CTTN: variants seen among roughly 807,000 people sequenced by gnomAD.
CTTN encodes src substrate cortactin.
Under a neutral mutation model 84.0 loss-of-function variants are expected in CTTN, and 28 were observed. The ratio of observed to expected loss-of-function variants is 0.33; its 90% CI spans 0.25 to 0.46. The LOEUF (loss-of-function observed/expected upper bound fraction) is 0.46, where lower values mean the gene tolerates loss of function less well. CTTN is among the 20% of genes least tolerant of loss of function. CTTN has a pLI of 1.00. For synonymous variants in CTTN, 301 were observed against 288.8 expected (o/e 1.04, Z -0.43); for missense variants, 641 against 723.8 (o/e 0.89, Z 1.31).
chr11:70,421,498 C>T lies in CTTN; in HGVS notation c.819C>T (p.Phe273=), dbSNP rs561015224. The T allele has an allele frequency of 2.6e-5, 42 of 1,613,886 alleles. No homozygotes were observed. The highest frequency in any genetic ancestry group is 1.2e-4 in the African/African-American group (9 of 75,000). Residue 273 remains phenylalanine, a synonymous_variant, in exon 11 of 18, where the codon TTC becomes TTT. Coordinates refer to ENST00000301843, the MANE Select transcript of CTTN (RefSeq NM_005231.4). ...ATAAGACTGGTTTTGGAGGCAAATTCGGTGTTCAGTCGGAGAGGCAGGACT... is the reference window on the plus strand; with the variant it reads ...ATAAGACTGGTTTTGGAGGCAAATTTGGTGTTCAGTCGGAGAGGCAGGACT... ...KDYKTGFGGK[F]GVQSERQDSA...
chr11:70,413,953 A>G (rs1247223387), intron 5 of CTTN, among the ~76,000 whole-genome samples: 1 of 152,026 alleles, frequency 6.6e-6, no homozygotes, highest in African/African-American at 2.4e-5. Flanking sequence ...TACCTTCTTC[A>G]TGCCCGGTCG....
chr11:70,419,024 C>T (rs1393305434), intron 8 of CTTN, among the ~76,000 whole-genome samples: 3 of 151,796 alleles, frequency 2.0e-5, no homozygotes. Flanking sequence ...ATCCGCCCAC[C>T]TTGGCCTCCC....
intron 1 of CTTN, among the ~76,000 whole-genome samples, chr11:70,401,281 TAACACAGTGA>T (rs1310971555): frequency 2.6e-5 from 4 of 151,138 alleles, no homozygotes; most frequent in Non-Finnish European, 5.9e-5. Context: ...CCATCCTGGC[TAACACAGTGA>T]AACACCGTCT....
intron 15 of CTTN, 137 bp from the exon 16 acceptor site, chr11:70,432,963 TA>T (rs1179839782): frequency 1.1e-6 from 1 of 888,892 alleles, no homozygotes; most frequent in Non-Finnish European, 1.7e-6. Context: ...GGCCTTCCTA[TA>T]CCGCGTCTGT....
chr11:70,421,035 A>AG (rs1190753583), intron 10 of CTTN, among the ~76,000 whole-genome samples: 2 of 152,188 alleles, frequency 1.3e-5, no homozygotes, highest in Non-Finnish European at 2.9e-5. Context: ...AAGGAGCCTG[A>AG]GGGGGCTGAA....
In CTTN at chr11:70,435,709, C is replaced by A. The variant is rs2058410670; in HGVS notation, c.*547C>A. On this transcript the variant is annotated 3_prime_UTR_variant, in exon 18 of 18. Coordinates refer to ENST00000301843, the MANE Select transcript of CTTN (RefSeq NM_005231.4). ...GGAGCTGCCATGTCAGATGGGAAAT[C>A]TGCCTATGTCATACCGTGACAGCCC... is the stretch of plus-strand genomic sequence containing the variant. 6 of 1,598,004 alleles carry A rather than the reference C, an allele frequency of 3.8e-6. No individual in the cohort carries two copies. In the East Asian group the frequency reaches 1.3e-4, roughly 36 times the overall value.
chr11:70,421,411 T>C (rs1591443545), intron 10 of CTTN, 59 bp from the exon 11 acceptor site: 5 of 1,260,152 alleles, frequency 4.0e-6, no homozygotes, highest in Non-Finnish European at 5.8e-6. Context: ...CATGCAATTC[T>C]AACCCAACTG....
chr11:70,416,545 C>A (rs11819776), intron 7 of CTTN, among the ~76,000 whole-genome samples: 13,981 of 152,192 alleles, frequency 0.092, 2,168 homozygotes, highest in African/African-American at 0.32. Context: ...GATTCTCCTG[C>A]CTCAGCCTCC....
intron 11 of CTTN, chr11:70,422,549 G>A (rs2135581750): frequency 7.7e-7 from 1 of 1,297,418 alleles, no homozygotes. Context: ...TTAGCGCTCA[G>A]TAGAGCAGGC....
Position 70,415,557 on chromosome 11 carries a change from G to A in CTTN, c.403-106G>A, listed in dbSNP as rs923701072. On this transcript the variant is annotated intron_variant, in intron 6 of 17. Transcript: ENST00000301843. Reference sequence around the variant, plus strand: ...AGGAACCCAGAGGTCACAGCATCATGTGTTTCATATTTTTTTAAATGTCAT... The same window carrying A: ...AGGAACCCAGAGGTCACAGCATCATATGTTTCATATTTTTTTAAATGTCAT... 32 of 1,036,686 alleles carry A rather than the reference G, an allele frequency of 3.1e-5. No individual in the cohort carries two copies. The Admixed American group carries it at 3.6e-4, about 12-fold the overall frequency. The allele number at this position is 1,036,686 out of a possible 1,614,324, so 64.2% of individuals were successfully genotyped here.
chr11:70,406,007 C>T (rs577776519), intron 2 of CTTN, among the ~76,000 whole-genome samples: 22 of 152,292 alleles, frequency 1.4e-4, no homozygotes, highest in Admixed American at 5.2e-4. Context: ...TAAATGGGCG[C>T]GTTGGGACAA....
At chr11:70,433,753 C>G in intron 17 of CTTN, 35 bp downstream of exon 17, 2 of 1,437,760 alleles carry the variant, frequency 1.4e-6, no homozygotes, top group East Asian at 2.3e-5. Flanking sequence ...GAGGGGAGAC[C>G]CAGGCAGCTG....
chr11:70,420,185 C>T (rs1303512815), intron 9 of CTTN: 2 of 603,018 alleles, frequency 3.3e-6, no homozygotes, highest in Non-Finnish European at 5.9e-6. Context: ...TCCTGTCTGG[C>T]TTAGTCACGA....
chr11:70,399,054 G>C (rs1385383068), intron 1 of CTTN, among the ~76,000 whole-genome samples: 1 of 138,720 alleles, frequency 7.2e-6, no homozygotes, highest in East Asian at 2.2e-4. Flanking sequence ...GGGTATTAGG[G>C]CCCGAGGGAG....
chr11:70,434,584 C>T (rs555559356), intron 17 of CTTN, among the ~76,000 whole-genome samples: 3 of 152,402 alleles, frequency 2.0e-5, no homozygotes, highest in African/African-American at 4.8e-5. Context: ...CGTGGATTCT[C>T]ATCACCGTGG....
chr11:70,418,753 A>G (rs2058193005), intron 8 of CTTN, among the ~76,000 whole-genome samples: 1 of 151,076 alleles, frequency 6.6e-6, no homozygotes, highest in African/African-American at 2.4e-5. Context: ...ATGATGTTAC[A>G]GGAATTCATC....
chr11:70,420,661 C>T (rs2275990), intron 10 of CTTN, 151 bp downstream of exon 10: 10 of 663,752 alleles, frequency 1.5e-5, no homozygotes, highest in Non-Finnish European at 2.7e-5. Context: ...CCCCAATCCC[C>T]CAGTTCCCTC....
chr11:70,420,053 G>A (rs562087478), intron 9 of CTTN, 197 bp downstream of exon 9: 29 of 609,200 alleles, frequency 4.8e-5, no homozygotes, highest in Non-Finnish European at 8.4e-5. Context: ...GTGTTATGGC[G>A]CTCCAGCCCC....
intron 16 of CTTN, 25 bp downstream of exon 16, chr11:70,433,303 C>A: frequency 6.3e-7 from 1 of 1,585,142 alleles, no homozygotes; most frequent in Non-Finnish European, 8.6e-7. Context: ...CGCTGCAGCG[C>A]CCTGCCCAGG....
Sources: gnomAD v4.1 joint callset for allele counts (sites outside exome capture counted in the v4.1 genomes callset) on GRCh38, gnomAD v4.1.1 for gene constraint, MANE v1.5 for transcripts, NCBI Gene and HGNC (gene_info 2026-07-23, HGNC 2026-07-21) for gene names.